PLEKHA2: variants seen among roughly 807,000 people sequenced by gnomAD.
PLEKHA2 encodes the protein pleckstrin homology domain-containing family A member 2.
Under a neutral mutation model 53.2 loss-of-function variants are expected in PLEKHA2, and 28 were observed. The ratio of observed to expected loss-of-function variants is 0.53; its 90% CI spans 0.39 to 0.72. The LOEUF (loss-of-function observed/expected upper bound fraction) is 0.72, where lower values mean the gene tolerates loss of function less well. Among genes scored for constraint, PLEKHA2 ranks in the 30% least tolerant of loss-of-function variants. The pLI is 0.00. For synonymous variants in PLEKHA2, 193 were observed against 196.4 expected (o/e 0.98, Z 0.14); for missense variants, 426 against 537.9 (o/e 0.79, Z 2.06).
intron 2 of PLEKHA2, among the ~76,000 whole-genome samples, chr8:38,930,156 T>C (rs1834363155): frequency 6.6e-6 from 1 of 152,126 alleles, no homozygotes; most frequent in Non-Finnish European, 1.5e-5. Flanking sequence ...AAAAGGAAGG[T>C]ACTGGCATTG....
intron 4 of PLEKHA2, among the ~76,000 whole-genome samples, chr8:38,944,744 A>G (rs1834677335): frequency 6.6e-6 from 1 of 152,202 alleles, no homozygotes; most frequent in South Asian, 2.1e-4. Flanking sequence ...ATTACAATTG[A>G]ACATGAGATT....
At chr8:38,944,461 G>T (rs1834669994) in intron 4 of PLEKHA2, among the ~76,000 whole-genome samples, 1 of 151,394 alleles carries the variant, frequency 6.6e-6, no homozygotes, top group African/African-American at 2.4e-5. Flanking sequence ...AGGTTGCAGT[G>T]AGCTGATTTC....
intron 9 of PLEKHA2, among the ~76,000 whole-genome samples, chr8:38,953,804 CTCCTCCTTTTG>C (rs1181327688): frequency 3.3e-5 from 5 of 152,174 alleles, no homozygotes; most frequent in Admixed American, 6.5e-5. Context: ...TATTCCTTTT[CTCCTCCTTTTG>C]ACCCTGATGT....
Position 38,932,969 on chromosome 8 carries a change from C to G in PLEKHA2, c.142-3025C>G, listed in dbSNP as rs139009332. ...TGGAGAGTGGCTGCGGCATCTTTCT[C>G]TCTGAACAGGGAGAGCTGCCAGGGA... On this transcript the variant is annotated intron_variant, in intron 2 of 11. Coordinates refer to ENST00000617275, the MANE Select transcript of PLEKHA2 (RefSeq NM_021623.2). Among the ~76,000 whole-genome samples, 1,240 of 152,288 alleles carry G rather than the reference C, an allele frequency of 8.1e-3. 25 individuals carry two copies. Among genetic ancestry groups the G allele is most frequent in the African/African-American group, 0.028 (1,156 of 41,552 alleles).
intron 2 of PLEKHA2, among the ~76,000 whole-genome samples, chr8:38,933,766 A>G (rs1834436392): frequency 7.3e-6 from 1 of 136,060 alleles, no homozygotes; most frequent in Non-Finnish European, 1.6e-5. Context: ...TTCCTACCCA[A>G]TAGAGGTTTC....
At chr8:38,915,179 C>G (rs982825137) in intron 1 of PLEKHA2, among the ~76,000 whole-genome samples, 4 of 152,184 alleles carry the variant, frequency 2.6e-5, no homozygotes, top group African/African-American at 9.7e-5. Flanking sequence ...CCCCTGGCCT[C>G]AAGCGATCCT....
At chr8:38,961,396 G>T (rs1245470262) in intron 10 of PLEKHA2, among the ~76,000 whole-genome samples, 1 of 152,080 alleles carries the variant, frequency 6.6e-6, no homozygotes, top group Non-Finnish European at 1.5e-5. Context: ...AATTAGCGGG[G>T]TGTGGTGGTG....
At chr8:38,917,652 C>A (rs1358033245) in intron 1 of PLEKHA2, among the ~76,000 whole-genome samples, 1 of 152,180 alleles carries the variant, frequency 6.6e-6, no homozygotes, top group African/African-American at 2.4e-5. Flanking sequence ...GGGCTTATCT[C>A]CTCTATGGAT....
chr8:38,918,193 G>T, intron 2 of PLEKHA2, 123 bp downstream of exon 2: 1 of 1,298,878 alleles, frequency 7.7e-7, no homozygotes, highest in South Asian at 1.5e-5. Context: ...TCAGCAGGGA[G>T]GGGACAACCC....
At chr8:38,949,844 A>G (rs975272643) in intron 5 of PLEKHA2, among the ~76,000 whole-genome samples, 1 of 152,222 alleles carries the variant, frequency 6.6e-6, no homozygotes, top group Non-Finnish European at 1.5e-5. Flanking sequence ...GAGACGGTTT[A>G]GGCCTAGAAA....
chr8:38,902,604 T>A (rs11985535), intron 1 of PLEKHA2, among the ~76,000 whole-genome samples: 1 of 152,166 alleles, frequency 6.6e-6, no homozygotes, highest in Non-Finnish European at 1.5e-5. Flanking sequence ...GCACTAATGG[T>A]GTTCTTAATC....
rs567266363 is a variant in PLEKHA2 at position 38,965,905 on chromosome 8, A to G, written c.838-2687A>G. On this transcript the variant is annotated intron_variant, in intron 10 of 11. Transcript: ENST00000617275. ...TTGAGGTCATTTAATTCCCTCAATAATTAAGCTTGTGGAACAGGCCAGCCC... is the reference window on the plus strand; with the variant it reads ...TTGAGGTCATTTAATTCCCTCAATAGTTAAGCTTGTGGAACAGGCCAGCCC... Among the ~76,000 whole-genome samples, 3 of 152,326 alleles carry G rather than the reference A, an allele frequency of 2.0e-5. No individual in the cohort carries two copies. The South Asian group carries it at 6.2e-4, about 32-fold the overall frequency.
chr8:38,915,318 A>G (rs1406137155), intron 1 of PLEKHA2, among the ~76,000 whole-genome samples: 1 of 152,200 alleles, frequency 6.6e-6, no homozygotes, highest in Non-Finnish European at 1.5e-5. Flanking sequence ...GGCCATCATA[A>G]ACAAGGACCA....
rs754690293 is a variant in PLEKHA2, at chr8:38,969,548, C to A, written c.1043C>A (p.Pro348His). The change falls in exon 12 of 12, where the codon CCC becomes CAC. Residue 348 changes from proline (P) to histidine (H), a missense_variant. Pro to His is a moderately conservative substitution (Grantham distance 77, BLOSUM62 -2). Transcript: ENST00000617275. Reference protein sequence around the residue: ...LEEKKALCKAPSVASSWQPWT... With the variant: ...LEEKKALCKAHSVASSWQPWT... ...GAAAAGAAAGCCCTCTGCAAAGCCC[C>A]CTCTGTGGCCTCCTCCTGGCAGCCC... 2 of 1,612,344 alleles carry A rather than the reference C, an allele frequency of 1.2e-6. No homozygotes were observed. Among genetic ancestry groups the A allele is most frequent in the Non-Finnish European group, 1.7e-6 (2 of 1,179,138 alleles).
chr8:38,928,497 C>T (rs1294968135), intron 2 of PLEKHA2, among the ~76,000 whole-genome samples: 2 of 151,980 alleles, frequency 1.3e-5, no homozygotes, highest in Non-Finnish European at 2.9e-5. Context: ...GATCCACCCG[C>T]CTTGGCCTCC....
At position 38,942,467 on chromosome 8, in the gene PLEKHA2, A is replaced by C. The variant is rs1296004655; in HGVS notation, c.199-1322A>C. ...GAAAGAAAACCCAAAAAAACCCCAC[A>C]AACAAATAAAATAAAGTGGGAACCA... On this transcript the variant is annotated intron_variant, in intron 3 of 11. Coordinates refer to ENST00000617275, the MANE Select transcript of PLEKHA2 (RefSeq NM_021623.2). Among the ~76,000 whole-genome samples, 3 of 152,146 alleles carry C rather than the reference A, an allele frequency of 2.0e-5. No homozygotes were observed. The East Asian group carries it at 5.8e-4, about 29-fold the overall frequency.
At chr8:38,967,914 G>A (rs898721645) in intron 10 of PLEKHA2, among the ~76,000 whole-genome samples, 3 of 152,170 alleles carry the variant, frequency 2.0e-5, no homozygotes, top group Admixed American at 1.3e-4. Flanking sequence ...CACCCGCCTC[G>A]ACCTCCCAAG....
At chr8:38,935,952 G>A (rs1275411202) in intron 2 of PLEKHA2, 42 bp from the exon 3 acceptor site, 6 of 1,598,204 alleles carry the variant, frequency 3.8e-6, no homozygotes, top group Non-Finnish European at 5.1e-6. Context: ...TCTTGGTGCT[G>A]TTTCCACAGC....
Position 38,969,937 on chromosome 8 carries a change from T to G in PLEKHA2, c.*154T>G. ...TTTGGGAGGGAGGGGCCCATCCAGC[T>G]GGGCTGTGTGTGTGTGTGTGTGTGT... is the stretch of plus-strand genomic sequence containing the variant. On this transcript the variant is annotated 3_prime_UTR_variant, in exon 12 of 12. Transcript: ENST00000617275. 1 of 897,554 alleles carries G rather than the reference T, an allele frequency of 1.1e-6. No homozygotes were observed. Among genetic ancestry groups the G allele is most frequent in the Non-Finnish European group, 1.6e-6 (1 of 622,144 alleles). The allele number at this position is 897,554 out of a possible 1,614,324, so 55.6% of individuals were successfully genotyped here. A position where few individuals can be genotyped will look rare whatever the true frequency, so the allele number is the denominator to read the frequency against.
Sources: gnomAD v4.1 joint callset for allele counts (sites outside exome capture counted in the v4.1 genomes callset) on GRCh38, gnomAD v4.1.1 for gene constraint, MANE v1.5 for transcripts, NCBI Gene and HGNC (gene_info 2026-07-23, HGNC 2026-07-21) for gene names.